LPP: variants seen among roughly 807,000 people sequenced by gnomAD.
LPP encodes the protein lipoma-preferred partner.
In LPP, 38 loss-of-function variants were observed where a neutral mutation model predicts 60.4. The ratio of observed to expected loss-of-function variants is 0.63; its 90% CI spans 0.49 to 0.83. The LOEUF is 0.83. LPP is among the 40% of genes least tolerant of loss of function. The pLI is 0.00. For missense variants in LPP, 902 were observed against 783.6 expected (o/e 1.15, Z -1.80); for synonymous variants, 328 against 290.8 (o/e 1.13, Z -1.30).
chr3:188,366,656 A>G (rs1771257025), intron 3 of LPP, among the ~76,000 whole-genome samples: 1 of 152,164 alleles, frequency 6.6e-6, no homozygotes, highest in African/African-American at 2.4e-5. Context: ...TCATTTGCCA[A>G]TGTAACCCCA....
chr3:188,295,378 G>T (rs1454868265), intron 2 of LPP, among the ~76,000 whole-genome samples: 1 of 152,078 alleles, frequency 6.6e-6, no homozygotes, highest in Non-Finnish European at 1.5e-5. Context: ...AATCCTCAGG[G>T]CTCGCTATTC....
At chr3:188,326,227 C>T (rs1195939519) in intron 2 of LPP, among the ~76,000 whole-genome samples, 3 of 152,156 alleles carry the variant, frequency 2.0e-5, no homozygotes, top group Admixed American at 2.0e-4. Flanking sequence ...TTTGTGCGCA[C>T]GCTGGTGATG....
At chr3:188,240,473 T>C (rs555601249) in intron 2 of LPP, among the ~76,000 whole-genome samples, 1 of 152,192 alleles carries the variant, frequency 6.6e-6, no homozygotes. Context: ...ACAGAATTTC[T>C]GAGTTGGAAG....
At chr3:188,612,504 G>A (rs1035389515) in intron 7 of LPP, among the ~76,000 whole-genome samples, 3 of 152,050 alleles carry the variant, frequency 2.0e-5, no homozygotes, top group Non-Finnish European at 2.9e-5. Flanking sequence ...TCCAGTTTGA[G>A]GAAAACCTCT....
chr3:188,157,347 G>A (rs999672091), intron 1 of LPP, among the ~76,000 whole-genome samples: 4 of 152,070 alleles, frequency 2.6e-5, no homozygotes, highest in Non-Finnish European at 4.4e-5. Flanking sequence ...TGGTGGTGAC[G>A]TGTGACTTTA....
chr3:188,841,208 AT>A (rs1011076651), intron 9 of LPP, among the ~76,000 whole-genome samples: 28 of 152,130 alleles, frequency 1.8e-4, no homozygotes, highest in African/African-American at 6.7e-4. Flanking sequence ...TGTAATTTGT[AT>A]TTTTGGACAT....
intron 3 of LPP, among the ~76,000 whole-genome samples, chr3:188,387,455 T>C (rs971018657): frequency 6.6e-6 from 1 of 152,342 alleles, no homozygotes; most frequent in Non-Finnish European, 1.5e-5. Context: ...TCTTAATTGT[T>C]TCATTATTTG....
chr3:188,687,709 G>T (rs532101998), intron 7 of LPP, among the ~76,000 whole-genome samples: 2 of 151,630 alleles, frequency 1.3e-5, no homozygotes, highest in South Asian at 4.2e-4. Flanking sequence ...TGACTCATTG[G>T]TCTGATTTCT....
At chr3:188,780,294 T>C (rs948123446) in intron 9 of LPP, among the ~76,000 whole-genome samples, 1 of 152,172 alleles carries the variant, frequency 6.6e-6, no homozygotes, top group Non-Finnish European at 1.5e-5. Context: ...AGAACAACAA[T>C]TTTTTTGGAG....
intron 9 of LPP, among the ~76,000 whole-genome samples, chr3:188,845,606 G>A (rs1351897511): frequency 6.6e-6 from 1 of 152,182 alleles, no homozygotes; most frequent in Admixed American, 6.5e-5. Flanking sequence ...AGGTCTCACA[G>A]CAAGTTTCTT....
chr3:188,670,637 C>T (rs6772408), intron 7 of LPP, among the ~76,000 whole-genome samples: 7,249 of 152,134 alleles, frequency 0.048, 569 homozygotes, highest in African/African-American at 0.16. Flanking sequence ...CACGTTGGCA[C>T]GCACGTTACT....
intron 6 of LPP, among the ~76,000 whole-genome samples, chr3:188,588,305 T>C (rs1837932229): frequency 6.6e-6 from 1 of 152,220 alleles, no homozygotes. Context: ...TCAGAAAGTA[T>C]TTGCTATCTC....
intron 1 of LPP, among the ~76,000 whole-genome samples, chr3:188,154,901 G>A (rs976240749): frequency 6.6e-6 from 1 of 152,134 alleles, no homozygotes; most frequent in Admixed American, 6.5e-5. Context: ...CCAGGGAGGG[G>A]GTTTGATTTT....
intron 3 of LPP, among the ~76,000 whole-genome samples, chr3:188,404,892 C>T (rs553751536): frequency 2.0e-5 from 3 of 152,270 alleles, no homozygotes; most frequent in East Asian, 1.9e-4. Context: ...GAGCCCTCCT[C>T]GGCAGCAGCC....
At chr3:188,462,592 G>A (rs1227664077) in intron 4 of LPP, among the ~76,000 whole-genome samples, 697 of 4,268 alleles carry the variant, frequency 0.16, 5 homozygotes, top group South Asian at 0.23. Context: ...ATATGCATGT[G>A]TGTGTGTGTG....
intron 1 of LPP, among the ~76,000 whole-genome samples, chr3:188,195,257 C>CAA (rs768996904): frequency 1.5e-5 from 2 of 131,750 alleles, no homozygotes; most frequent in South Asian, 2.4e-4. Context: ...GAGACTCTGT[C>CAA]AAAAAAAAAA....
intron 9 of LPP, among the ~76,000 whole-genome samples, chr3:188,762,611 G>A (rs776100166): frequency 4.6e-5 from 7 of 152,054 alleles, no homozygotes; most frequent in Non-Finnish European, 8.8e-5. Context: ...TCCATTCCAG[G>A]CATAGTATGG....
chr3:188,665,514 C>A (rs565322492), intron 7 of LPP, among the ~76,000 whole-genome samples: 36 of 143,296 alleles, frequency 2.5e-4, no homozygotes, highest in Admixed American at 5.8e-4. Flanking sequence ...GGCTGGAGTG[C>A]AGTGGTACAA....
At chr3:188,672,567 G>A (rs181771077) in intron 7 of LPP, among the ~76,000 whole-genome samples, 173 of 152,280 alleles carry the variant, frequency 1.1e-3, no homozygotes, top group African/African-American at 4.0e-3. Flanking sequence ...GATAGAGGGT[G>A]ATTTTACCTG....
Sources: allele counts gnomAD v4.1 joint callset (sites outside exome capture counted in the v4.1 genomes callset), GRCh38; gene constraint gnomAD v4.1.1; transcripts MANE v1.5; gene names NCBI Gene and HGNC (gene_info 2026-07-23, HGNC 2026-07-21).